Variants in MEGF11 observed in about 807,000 individuals in gnomAD.
The protein encoded by MEGF11 is multiple epidermal growth factor-like domains protein 11.
In MEGF11, 126 loss-of-function variants were observed where a neutral mutation model predicts 146.6. The observed-to-expected ratio is 0.86, with a 90% CI of 0.74 to 1.00. The LOEUF is 1.00. MEGF11 is among the 50% of genes least tolerant of loss of function. The probability of loss-of-function intolerance (pLI) is 0.00; values close to 1 mark genes in which losing one functional copy is unlikely to be tolerated. For missense variants in MEGF11, 1,509 were observed against 1,521.2 expected (o/e 0.99, Z 0.13); for synonymous variants, 532 against 583.4 (o/e 0.91, Z 1.27).
intron 7 of MEGF11, among the ~76,000 whole-genome samples, chr15:65,977,727 A>G (rs966634764): frequency 6.6e-6 from 1 of 151,966 alleles, no homozygotes; most frequent in African/African-American, 2.4e-5. Context: ...CCTATTTCCC[A>G]GCTCCTCAGC....
chr15:66,113,664 C>T (rs945205719), intron 4 of MEGF11, among the ~76,000 whole-genome samples: 3 of 152,120 alleles, frequency 2.0e-5, no homozygotes, highest in East Asian at 1.9e-4. Context: ...GAGGCCGAGG[C>T]GGGTGGATCA....
At chr15:66,188,125 C>CA (rs1364220877) in intron 1 of MEGF11, among the ~76,000 whole-genome samples, 5 of 151,904 alleles carry the variant, frequency 3.3e-5, no homozygotes, top group Admixed American at 3.3e-4. Context: ...GTAACACCCC[C>CA]CCATGCCCCA....
Position 66,107,054 on chromosome 15 carries a change from A to ACCCC in MEGF11, c.301+12028_301+12031dup, listed in dbSNP as rs35937464. Among the ~76,000 whole-genome samples the ACCCC allele has an allele frequency of 7.7e-3, 1,016 of 132,324 alleles. 10 individuals carry two copies. Among genetic ancestry groups the ACCCC allele is most frequent in the African/African-American group, 0.028 (951 of 34,302 alleles). 86.8% of individuals were successfully genotyped at this position (132,324 alleles called of 152,430 possible). ...CCTGTAGTTCAATGTTTATATTCCT[A>ACCCC]CCCCCCCACCAGGTATAGACAGGGA... On this transcript the variant is annotated intron_variant, in intron 4 of 25. Transcript: ENST00000395614.
In MEGF11 at chr15:65,915,583, G is replaced by T. The variant is rs1001016400; in HGVS notation, c.2360C>A (p.Thr787Asn). Residue 787 changes from threonine (T) to asparagine (N), a missense_variant, in exon 19 of 26, where the codon ACC becomes AAC. Transcript: ENST00000395614. ...TAGCTGCTGACACCCATAGCCAAAG[G>T]TTCCTGGGGCACATCCTGTGTGGCA... ...QHCEQRCAPG[T>N]FGYGCQQLCE... The T allele has an allele frequency of 3.1e-6, 5 of 1,613,792 alleles. No homozygotes were observed. The highest frequency in any genetic ancestry group is 4.2e-6 in the Non-Finnish European group (5 of 1,179,864).
At chr15:66,049,100 C>T (rs1302623616) in intron 5 of MEGF11, among the ~76,000 whole-genome samples, 4 of 152,128 alleles carry the variant, frequency 2.6e-5, no homozygotes, top group East Asian at 1.9e-4. Flanking sequence ...CCCTCAGCCC[C>T]GCAAAGTCAC....
At chr15:65,942,543 A>ATGG (rs200430946) in intron 10 of MEGF11, among the ~76,000 whole-genome samples, 1 of 152,072 alleles carries the variant, frequency 6.6e-6, no homozygotes, top group South Asian at 2.1e-4. Flanking sequence ...GATGATGACT[A>ATGG]TGGTGGTGGT....
chr15:66,038,068 C>T (rs1207790254), intron 5 of MEGF11, among the ~76,000 whole-genome samples: 2 of 152,194 alleles, frequency 1.3e-5, no homozygotes, highest in African/African-American at 2.4e-5. Context: ...TTTATTGTTT[C>T]AGGCTTGGCT....
chr15:66,052,652 A>G (rs1365486974), intron 5 of MEGF11, among the ~76,000 whole-genome samples: 1 of 152,156 alleles, frequency 6.6e-6, no homozygotes, highest in Non-Finnish European at 1.5e-5. Flanking sequence ...CTCTAAGCCG[A>G]GAGAAAGATG....
chr15:66,053,138 G>T (rs72742902), intron 5 of MEGF11, among the ~76,000 whole-genome samples: 2,434 of 152,222 alleles, frequency 0.016, 31 homozygotes, highest in Middle Eastern at 0.041. Flanking sequence ...GTGAATGTAT[G>T]GATAATAAAT....
chr15:66,171,144 G>T (rs549468456), intron 1 of MEGF11, among the ~76,000 whole-genome samples: 170 of 152,364 alleles, frequency 1.1e-3, no homozygotes, highest in Non-Finnish European at 2.0e-3. Context: ...GAAGGCCGCT[G>T]TTGCTGCTGT....
At chr15:66,172,180 G>C (rs555134888) in intron 1 of MEGF11, among the ~76,000 whole-genome samples, 3 of 152,338 alleles carry the variant, frequency 2.0e-5, no homozygotes, top group South Asian at 2.1e-4. Context: ...CTCGGCAGGA[G>C]AATGACCACC....
intron 10 of MEGF11, among the ~76,000 whole-genome samples, chr15:65,938,985 A>G (rs1337362739): frequency 6.6e-6 from 1 of 152,204 alleles, no homozygotes. Context: ...TTTCCTTGCA[A>G]TGGACAGGAG....
intron 1 of MEGF11, among the ~76,000 whole-genome samples, chr15:66,143,767 G>A (rs2089262587): frequency 6.6e-6 from 1 of 152,124 alleles, no homozygotes; most frequent in African/African-American, 2.4e-5. Context: ...CAGGACTCAG[G>A]GGACTTTGGC....
At chr15:66,133,129 A>G (rs1193890733) in intron 1 of MEGF11, among the ~76,000 whole-genome samples, 1 of 152,226 alleles carries the variant, frequency 6.6e-6, no homozygotes, top group Non-Finnish European at 1.5e-5. Context: ...TGTTGTGTTA[A>G]CATTGCATTT....
At chr15:66,007,066 C>T (rs747070124) in intron 5 of MEGF11, among the ~76,000 whole-genome samples, 4 of 152,214 alleles carry the variant, frequency 2.6e-5, no homozygotes, top group Admixed American at 2.0e-4. Flanking sequence ...TCGGATTCAG[C>T]GGCTGCACGC....
intron 1 of MEGF11, among the ~76,000 whole-genome samples, chr15:66,184,828 T>C (rs11634783): frequency 1 from 150,988 of 151,558 alleles, 75,211 homozygotes; most frequent in Middle Eastern, 1. Flanking sequence ...CTACACATCC[T>C]CCATCCCAGC....
At chr15:65,927,431 A>G (rs1242521860) in intron 13 of MEGF11, among the ~76,000 whole-genome samples, 2 of 152,208 alleles carry the variant, frequency 1.3e-5, no homozygotes, top group African/African-American at 2.4e-5. Context: ...AGATGCCTCC[A>G]TATAGCTGAT....
At chr15:65,939,947 A>C (rs1282535932) in intron 10 of MEGF11, among the ~76,000 whole-genome samples, 1 of 152,214 alleles carries the variant, frequency 6.6e-6, no homozygotes, top group Non-Finnish European at 1.5e-5. Context: ...GGATTGAGTC[A>C]TTTGTGTTCA....
At chr15:65,902,063 G>A (rs750044279) in intron 24 of MEGF11, 1 of 152,254 alleles carries the variant, frequency 6.6e-6, no homozygotes, top group South Asian at 2.1e-4. Context: ...CCTTAACAAG[G>A]AATGTCTTTC....
Sources: allele counts gnomAD v4.1 joint callset (sites outside exome capture counted in the v4.1 genomes callset), GRCh38; gene constraint gnomAD v4.1.1; transcripts MANE v1.5; gene names NCBI Gene and HGNC (gene_info 2026-07-23, HGNC 2026-07-21).